Variants in RNF144B observed in about 807,000 individuals in gnomAD.
The protein encoded by RNF144B is E3 ubiquitin-protein ligase RNF144B.
A neutral mutation model predicts 40.2 loss-of-function variants in RNF144B; 25 were observed. The ratio of observed to expected loss-of-function variants is 0.62; its 90% CI spans 0.45 to 0.87. RNF144B has a LOEUF of 0.87. Among genes scored for constraint, RNF144B ranks in the 40% least tolerant of loss-of-function variants. The pLI is 0.00. For synonymous variants in RNF144B, 145 were observed against 136.3 expected, an observed-to-expected ratio of 1.06 and a Z score of -0.44; for missense variants, 365 against 373.7, an observed-to-expected ratio of 0.98 and a Z score of 0.19.
chr6:18,426,481 A>G (rs1758556666), intron 2 of RNF144B, among the ~76,000 whole-genome samples: 1 of 152,202 alleles, frequency 6.6e-6, no homozygotes. Context: ...GAGGCATTAC[A>G]GGTTTCCATA....
rs1554182737 is a variant in RNF144B at position 18,467,403 on chromosome 6, T to TTTTG, written c.*2339_*2340insGTTT. ...TATCACTGAATTAGCTGCTTTTGTTTTTTTTTTTTTTTTTTTGCCAGGGCT... is the reference window on the plus strand; with the variant it reads ...TATCACTGAATTAGCTGCTTTTGTTTTTTGTTTTTTTTTTTTTTTTGCCAGGGCT... On this transcript the variant is annotated 3_prime_UTR_variant, in exon 8 of 8. Transcript: ENST00000259939. 5 of 129,442 alleles carry TTTTG rather than the reference T, an allele frequency of 3.9e-5. No homozygotes were observed. The highest frequency in any genetic ancestry group is 5.3e-5 in the Non-Finnish European group (3 of 56,250). The allele number at this position is 129,442 out of a possible 1,614,324, so 8.0% of individuals were successfully genotyped here.
At chr6:18,427,711 C>T in intron 3 of RNF144B, 26 bp downstream of exon 3, 2 of 1,342,592 alleles carry the variant, frequency 1.5e-6, no homozygotes, top group Non-Finnish European at 1.1e-6. Flanking sequence ...ATCATCTTCC[C>T]CTCTTTCCTA....
intron 2 of RNF144B, among the ~76,000 whole-genome samples, chr6:18,426,259 G>GT (rs1758548056): frequency 6.6e-6 from 1 of 152,178 alleles, no homozygotes; most frequent in Non-Finnish European, 1.5e-5. Flanking sequence ...TCACCACTTT[G>GT]TAAGAGTCGT....
At chr6:18,392,851 A>G (rs35890798) in intron 1 of RNF144B, among the ~76,000 whole-genome samples, 10,672 of 152,206 alleles carry the variant, frequency 0.07, 486 homozygotes, top group Middle Eastern at 0.12. Context: ...GTGTAATATC[A>G]TGTATGTACT....
At position 18,412,251 on chromosome 6, in the gene RNF144B, G is replaced by A. The variant is rs144965131; in HGVS notation, c.165+12552G>A. Among the ~76,000 whole-genome samples, 7 of 152,154 alleles carry A rather than the reference G, an allele frequency of 4.6e-5. No homozygotes were observed. The highest frequency in any genetic ancestry group is 1.9e-4 in the East Asian group (1 of 5,170). On this transcript the variant is annotated intron_variant, in intron 2 of 7. Coordinates refer to ENST00000259939, the MANE Select transcript of RNF144B (RefSeq NM_182757.4). This position sits in a 1 kb window ranked among gnomAD's most constrained non-coding sequence, Gnocchi z 4.2. ...ACAGAGGCCTCTCTTTTGACACTCC[G>A]GGTATTTTCCAACTTTTCACCTTCT...
At position 18,387,641 on chromosome 6, in the gene RNF144B, C is replaced by T. The variant is rs1329572761; in HGVS notation, c.-37+11C>T. ...CAGGTCTGCTGCCAGGTAGGTTTAGCGAGCTTTTTAAAGGCTACAGGCGTT... is the reference window on the plus strand; with the variant it reads ...CAGGTCTGCTGCCAGGTAGGTTTAGTGAGCTTTTTAAAGGCTACAGGCGTT... On this transcript the variant is annotated intron_variant, in intron 1 of 7. Coordinates refer to ENST00000259939, the MANE Select transcript of RNF144B (RefSeq NM_182757.4). 1 of 1,295,880 alleles carries T rather than the reference C, an allele frequency of 7.7e-7. No homozygotes were observed. Among genetic ancestry groups the T allele is most frequent in the Non-Finnish European group, 1.0e-6 (1 of 992,370 alleles). The allele number at this position is 1,295,880 out of a possible 1,614,324, so 80.3% of individuals were successfully genotyped here.
At position 18,450,372 on chromosome 6, in the gene RNF144B, A is replaced by G. The variant is rs966047702; in HGVS notation, c.332-6783A>G. Among the ~76,000 whole-genome samples, 4 of 151,792 alleles carry G rather than the reference A, an allele frequency of 2.6e-5. No homozygotes were observed. Among genetic ancestry groups the G allele is most frequent in the African/African-American group, 9.7e-5 (4 of 41,308 alleles). ...GAGTGCAGTGGCAATATTTCAGCTT[A>G]CTGCGATCTCCGCCTCCCGGGTTCA... On this transcript the variant is annotated intron_variant, in intron 4 of 7. Transcript: ENST00000259939. This position sits in a 1 kb window ranked among gnomAD's most constrained non-coding sequence, Gnocchi z 4.7.
At chr6:18,454,586 T>C (rs534866935) in intron 4 of RNF144B, among the ~76,000 whole-genome samples, 1 of 152,382 alleles carries the variant, frequency 6.6e-6, no homozygotes, top group South Asian at 2.1e-4. Context: ...CTTTATGTGC[T>C]GTCATAATAG....
chr6:18,422,434 A>G lies in RNF144B; in HGVS notation c.166-5147A>G, dbSNP rs1758447041. The stretch of plus-strand genomic sequence containing the variant: ...ATATGTACTTCAGTGTTTGCATTGT[A>G]CCTGGAGTGATAAAAAGCAAAACAG... On this transcript the variant is annotated intron_variant, in intron 2 of 7. Transcript: ENST00000259939. The surrounding 1 kb of genome is among the most constrained non-coding windows in gnomAD (Gnocchi z 4.7). 6.6e-6 allele frequency among the ~76,000 whole-genome samples: 1 copy of G among 152,188 alleles called. No homozygotes were observed.
chr6:18,409,559 A>C (rs1207876560), intron 2 of RNF144B, among the ~76,000 whole-genome samples: 20 of 66,572 alleles, frequency 3.0e-4, no homozygotes, highest in South Asian at 5.6e-4. Flanking sequence ...CACTTGCATA[A>C]CCTTTTTTTT....
chr6:18,396,641 G>A (rs1794700000), intron 1 of RNF144B: 1 of 985,160 alleles, frequency 1.0e-6, no homozygotes, highest in Non-Finnish European at 1.2e-6. Context: ...GTTTTACTTG[G>A]GATTTCTCTT....
intron 4 of RNF144B, among the ~76,000 whole-genome samples, chr6:18,452,609 C>T (rs1023498980): frequency 1.3e-5 from 2 of 151,848 alleles, no homozygotes; most frequent in African/African-American, 2.4e-5. Context: ...CTTTTTAAAA[C>T]CAATTTTAAA....
At chr6:18,439,847 A>C (rs1758918538) in intron 4 of RNF144B, 103 bp downstream of exon 4, 1 of 741,422 alleles carries the variant, frequency 1.3e-6, no homozygotes, top group African/African-American at 1.7e-5. Flanking sequence ...CTGTCAACAA[A>C]GCCTCAAGGG....
At position 18,387,485 on chromosome 6, in the gene RNF144B, T is replaced by G. The variant is rs1562035852; in HGVS notation, c.-182T>G. ...CAAGTCCTGTTGCAGTCTTGCAAAGTGTAAAGCTGTCAGCCGCAGAGCACG... is the reference window on the plus strand; with the variant it reads ...CAAGTCCTGTTGCAGTCTTGCAAAGGGTAAAGCTGTCAGCCGCAGAGCACG... On this transcript the variant is annotated 5_prime_UTR_variant, in exon 1 of 8. Coordinates refer to ENST00000259939, the MANE Select transcript of RNF144B (RefSeq NM_182757.4). 7.7e-7 allele frequency: 1 copy of G among 1,292,236 alleles called. No individual in the cohort carries two copies. The highest frequency in any genetic ancestry group is 1.0e-6 in the Non-Finnish European group (1 of 990,976). 80.0% of individuals were successfully genotyped at this position (1,292,236 alleles called of 1,614,324 possible).
intron 1 of RNF144B, among the ~76,000 whole-genome samples, chr6:18,387,935 G>A (rs563559995): frequency 6.6e-6 from 1 of 152,254 alleles, no homozygotes; most frequent in African/African-American, 2.4e-5. Context: ...GAGACCAAAA[G>A]TTGGCATAAT....
chr6:18,426,022 T>C (rs1309291396), intron 2 of RNF144B, among the ~76,000 whole-genome samples: 2 of 152,204 alleles, frequency 1.3e-5, no homozygotes, highest in African/African-American at 2.4e-5. Flanking sequence ...ATTAGTTTTC[T>C]GAAGTAATAT....
In RNF144B at chr6:18,468,589, C is replaced by T. The variant is rs765485291; in HGVS notation, c.*3522C>T. The T allele has an allele frequency of 6.6e-6, 1 of 152,188 alleles. No individual in the cohort carries two copies. The highest frequency in any genetic ancestry group is 1.5e-5 in the Non-Finnish European group (1 of 68,042). 9.4% of individuals were successfully genotyped at this position (152,188 alleles called of 1,614,324 possible). A position where few individuals can be genotyped will look rare whatever the true frequency, so the allele number is the denominator to read the frequency against. ...TTTCTTTAGCCTTCCCTACACAGTA[C>T]TAATAAAAGACTTTTCTTTCTGTTC... On this transcript the variant is annotated 3_prime_UTR_variant, in exon 8 of 8. Coordinates refer to ENST00000259939, the MANE Select transcript of RNF144B (RefSeq NM_182757.4).
intron 1 of RNF144B, among the ~76,000 whole-genome samples, chr6:18,394,574 G>GC (rs1794654565): frequency 6.6e-6 from 1 of 150,918 alleles, no homozygotes; most frequent in Admixed American, 6.6e-5. Flanking sequence ...CTCTAGCGTG[G>GC]ATGACAGAGT....
In RNF144B at chr6:18,411,526, C is replaced by T. The variant is rs1459344429; in HGVS notation, c.165+11827C>T. 2.7e-4 allele frequency among the ~76,000 whole-genome samples: 7 copies of T among 26,170 alleles called. No homozygotes were observed. The East Asian group carries it at 5.2e-3, about 19-fold the overall frequency. The allele number at this position is 26,170 out of a possible 152,430, so 17.2% of individuals were successfully genotyped here. ...TTTTTTTTTTTTTTTTTTTTTGAGA[C>T]GGAGTTGTGCCCTGTCGCTCAGGGT... On this transcript the variant is annotated intron_variant, in intron 2 of 7. Coordinates refer to ENST00000259939, the MANE Select transcript of RNF144B (RefSeq NM_182757.4).
Sources: gnomAD v4.1 joint callset for allele counts (sites outside exome capture counted in the v4.1 genomes callset) on GRCh38, gnomAD v4.1.1 for gene constraint, Gnocchi (gnomAD v3.1) non-coding constraint, MANE v1.5 for transcripts, NCBI Gene and HGNC (gene_info 2026-07-23, HGNC 2026-07-21) for gene names.